Variants in WIPF3 observed in about 807,000 individuals in gnomAD.
The protein encoded by WIPF3 is WAS/WASL-interacting protein family member 3.
A neutral mutation model predicts 38.9 loss-of-function variants in WIPF3; 33 were observed. The ratio of observed to expected loss-of-function variants is 0.85; its 90% CI spans 0.64 to 1.14. WIPF3 has a LOEUF of 1.14. Among genes scored for constraint, WIPF3 ranks in the 50% most tolerant of loss-of-function variants. WIPF3 has a pLI of 0.00. For synonymous variants in WIPF3, 324 were observed against 269.3 expected, an observed-to-expected ratio of 1.20 and a Z score of -1.99; for missense variants, 711 against 652.5, an observed-to-expected ratio of 1.09 and a Z score of -0.98.
chr7:29,855,780 T>C (rs1256927248), intron 2 of WIPF3, among the ~76,000 whole-genome samples: 3 of 152,188 alleles, frequency 2.0e-5, no homozygotes, highest in Non-Finnish European at 4.4e-5. Context: ...CCTTTCTTTG[T>C]CTCCATTTTT....
intron 7 of WIPF3, among the ~76,000 whole-genome samples, chr7:29,898,431 C>A (rs540405535): frequency 6.6e-6 from 1 of 152,168 alleles, no homozygotes; most frequent in Admixed American, 6.5e-5. Flanking sequence ...GTTGCTGGAA[C>A]CTGCTAACAG....
intron 1 of WIPF3, among the ~76,000 whole-genome samples, chr7:29,830,084 CT>C (rs1283937904): frequency 7.1e-6 from 1 of 141,054 alleles, no homozygotes; most frequent in Non-Finnish European, 1.5e-5. Context: ...TAGATAATTG[CT>C]TAATTATTGT....
intron 7 of WIPF3, among the ~76,000 whole-genome samples, chr7:29,894,431 T>G (rs1028745168): frequency 3.3e-5 from 5 of 152,210 alleles, no homozygotes; most frequent in Non-Finnish European, 5.9e-5. Flanking sequence ...ATTTCAAAAT[T>G]AAGATACTGT....
At chr7:29,865,770 T>C (rs1047773210) in intron 2 of WIPF3, among the ~76,000 whole-genome samples, 1 of 152,218 alleles carries the variant, frequency 6.6e-6, no homozygotes, top group Non-Finnish European at 1.5e-5. Context: ...TTGGGCTAGC[T>C]GTGAGTCATT....
intron 1 of WIPF3, among the ~76,000 whole-genome samples, chr7:29,827,327 A>G (rs1198889186): frequency 1.3e-5 from 2 of 152,210 alleles, no homozygotes; most frequent in Non-Finnish European, 2.9e-5. Flanking sequence ...GTGAACAGAG[A>G]ATTTGCTCAT....
At chr7:29,888,510 CGTGTGTGTGT>C (rs1295673715) in intron 6 of WIPF3, among the ~76,000 whole-genome samples, 9 of 147,810 alleles carry the variant, frequency 6.1e-5, no homozygotes, top group Non-Finnish European at 1.2e-4. Context: ...CGTGTGTGTG[CGTGTGTGTGT>C]GTGTGTGTGT....
chr7:29,899,934 T>G (rs1786240073), intron 7 of WIPF3, among the ~76,000 whole-genome samples: 1 of 152,160 alleles, frequency 6.6e-6, no homozygotes, highest in Non-Finnish European at 1.5e-5. Context: ...TATTCATTTA[T>G]TTAGAGATTA....
intron 2 of WIPF3, among the ~76,000 whole-genome samples, chr7:29,866,246 A>G (rs1785385500): frequency 6.6e-6 from 1 of 152,202 alleles, no homozygotes; most frequent in South Asian, 2.1e-4. Flanking sequence ...GAAATTTTGG[A>G]ATTTTCCCTT....
intron 7 of WIPF3, among the ~76,000 whole-genome samples, chr7:29,900,416 C>G (rs1028408504): frequency 7.2e-5 from 11 of 152,170 alleles, no homozygotes; most frequent in Non-Finnish European, 1.0e-4. Flanking sequence ...ACCTCTGGCC[C>G]AAGCACCTGT....
At chr7:29,853,135 G>A (rs775530961) in intron 2 of WIPF3, among the ~76,000 whole-genome samples, 1 of 152,208 alleles carries the variant, frequency 6.6e-6, no homozygotes, top group Non-Finnish European at 1.5e-5. Context: ...AGTAATGGGT[G>A]TACGGGGAAC....
intron 5 of WIPF3, among the ~76,000 whole-genome samples, chr7:29,885,731 G>A (rs1031131238): frequency 6.6e-6 from 1 of 152,150 alleles, no homozygotes; most frequent in Non-Finnish European, 1.5e-5. Flanking sequence ...CAGGAGGATC[G>A]TTTGAATCTA....
At chr7:29,821,735 T>C (rs1784539674) in intron 1 of WIPF3, among the ~76,000 whole-genome samples, 1 of 152,226 alleles carries the variant, frequency 6.6e-6, no homozygotes, top group South Asian at 2.1e-4. Context: ...TCATTTGTCT[T>C]CCATATCTAG....
At chr7:29,900,643 A>G (rs940477307) in intron 7 of WIPF3, among the ~76,000 whole-genome samples, 2 of 152,222 alleles carry the variant, frequency 1.3e-5, no homozygotes, top group Non-Finnish European at 2.9e-5. Flanking sequence ...TTCCAATCAC[A>G]CTTGTCATTT....
intron 8 of WIPF3, among the ~76,000 whole-genome samples, chr7:29,909,257 C>T (rs4722960): frequency 0.47 from 71,945 of 151,618 alleles, 18,661 homozygotes; most frequent in East Asian, 0.78. Context: ...GAAGAACAAA[C>T]TAAACCTAAA....
chr7:29,823,694 A>G lies in WIPF3; in HGVS notation c.-57-10974A>G, dbSNP rs1367003732. On this transcript the variant is annotated intron_variant, in intron 1 of 8. Coordinates refer to ENST00000242140, the MANE Select transcript of WIPF3 (RefSeq NM_001080529.3). The surrounding 1 kb of genome is among the most constrained non-coding windows in gnomAD (Gnocchi z 4.0). ...AATGTTGGAGGTGGGGCCTGGTGGCAGGTGATTGGATCGTGGGCGGTTTCT... is the reference window on the plus strand; with the variant it reads ...AATGTTGGAGGTGGGGCCTGGTGGCGGGTGATTGGATCGTGGGCGGTTTCT... Among the ~76,000 whole-genome samples, 1 of 152,152 alleles carries G rather than the reference A, an allele frequency of 6.6e-6. No homozygotes were observed. The highest frequency in any genetic ancestry group is 1.5e-5 in the Non-Finnish European group (1 of 68,034).
At chr7:29,901,189 T>C (rs1786268040) in intron 7 of WIPF3, among the ~76,000 whole-genome samples, 1 of 152,074 alleles carries the variant, frequency 6.6e-6, no homozygotes, top group African/African-American at 2.4e-5. Flanking sequence ...AAACCCCTGA[T>C]TTGGTGAATC....
At chr7:29,863,708 C>T (rs1785339120) in intron 2 of WIPF3, among the ~76,000 whole-genome samples, 1 of 152,212 alleles carries the variant, frequency 6.6e-6, no homozygotes. Flanking sequence ...ATGAACATAG[C>T]ATATCTCTTC....
In WIPF3 at chr7:29,820,573, A is replaced by C. The variant is rs564870793; in HGVS notation, c.-58+13895A>C. 4.6e-5 allele frequency among the ~76,000 whole-genome samples: 7 copies of C among 152,178 alleles called. No individual in the cohort carries two copies. In the East Asian group the frequency reaches 1.4e-3, roughly 29 times the overall value. On this transcript the variant is annotated intron_variant, in intron 1 of 8. Coordinates refer to ENST00000242140, the MANE Select transcript of WIPF3 (RefSeq NM_001080529.3). ...TCTAGCAATCCCCTTTATAATGATAATAATTCTCTGTTGTTGTTTCTTTTA... is the reference window on the plus strand; with the variant it reads ...TCTAGCAATCCCCTTTATAATGATACTAATTCTCTGTTGTTGTTTCTTTTA...
rs146303343 is a variant in WIPF3 at position 29,821,780 on chromosome 7, A to G, written c.-57-12888A>G. Among the ~76,000 whole-genome samples, 875 of 152,066 alleles carry G rather than the reference A, an allele frequency of 5.8e-3. 8 individuals are homozygous for G. In the Middle Eastern group the frequency reaches 0.088, roughly 15 times the overall value. On this transcript the variant is annotated intron_variant, in intron 1 of 8. Coordinates refer to ENST00000242140, the MANE Select transcript of WIPF3 (RefSeq NM_001080529.3). ...TCTAATCCTTTCAAATTCTTTGTCC[A>G]TTTACATTTCATTCTGCTCATTTTT...
Sources: allele counts gnomAD v4.1 joint callset (sites outside exome capture counted in the v4.1 genomes callset), GRCh38; gene constraint gnomAD v4.1.1; non-coding constraint Gnocchi (gnomAD v3.1); transcripts MANE v1.5; gene names NCBI Gene and HGNC (gene_info 2026-07-23, HGNC 2026-07-21).